The following TMEM130 variants were observed in gnomAD, a reference collection of about 807,000 sequenced individuals.
The protein encoded by TMEM130 is transmembrane protein 130.
TMEM130 carries 37 observed loss-of-function variants against 42.9 expected under a neutral mutation model. That is an observed-to-expected ratio of 0.86 (90% CI 0.66 to 1.13). The LOEUF (loss-of-function observed/expected upper bound fraction) is 1.13. Among genes scored for constraint, TMEM130 ranks in the 50% most tolerant of loss-of-function variants. The pLI is 0.00. For synonymous variants in TMEM130, 259 were observed against 237.7 expected (o/e 1.09, Z -0.82); for missense variants, 545 against 562.6 (o/e 0.97, Z 0.32).
At chr7:98,848,524 C>A in intron 7 of TMEM130, 59 bp downstream of exon 7, 1 of 1,257,688 alleles carries the variant, frequency 8.0e-7, no homozygotes, top group South Asian at 1.2e-5. Context: ...CATACCCTCT[C>A]TAAACATCCT....
chr7:98,858,371 T>C (rs1452028295), intron 3 of TMEM130, among the ~76,000 whole-genome samples: 1 of 149,662 alleles, frequency 6.7e-6, no homozygotes, highest in Non-Finnish European at 1.5e-5. Context: ...TGAGACCCCA[T>C]CTCTACAAAA....
At position 98,868,468 on chromosome 7, in the gene TMEM130, G is replaced by A. The variant is rs1421280642; in HGVS notation, c.85+1309C>T. On this transcript the variant is annotated intron_variant, in intron 1 of 7. Coordinates refer to ENST00000339375, the MANE Select transcript of TMEM130 (RefSeq NM_152913.3). ...AACATTCTAGAAAATGGCTACACCA[G>A]TCCTTTCACACAGAATATGCAGACT... 1.6e-4 allele frequency among the ~76,000 whole-genome samples: 25 copies of A among 152,176 alleles called. 1 individual carries two copies. Among genetic ancestry groups the A allele is most frequent in the Non-Finnish European group, 4.4e-5 (3 of 68,036 alleles).
chr7:98,847,994 C>T lies in TMEM130; in HGVS notation c.*62G>A. On this transcript the variant is annotated 3_prime_UTR_variant, in exon 8 of 8. Transcript: ENST00000339375. ...CCTCCTGGTCAGTGGTGCACACCAC[C>T]CTGCTGGAAACTCCAAGTCAGCAGT... 1 of 1,527,632 alleles carries T rather than the reference C, an allele frequency of 6.5e-7. No homozygotes were observed. The highest frequency in any genetic ancestry group is 8.9e-7 in the Non-Finnish European group (1 of 1,118,464). 94.6% of individuals were successfully genotyped at this position (1,527,632 alleles called of 1,614,324 possible). A position where few individuals can be genotyped will look rare whatever the true frequency, so the allele number is the denominator to read the frequency against.
Position 98,863,344 on chromosome 7 carries a change from T to A in TMEM130, c.142A>T (p.Thr48Ser), listed in dbSNP as rs782228068. 24 of 1,608,922 alleles carry A rather than the reference T, an allele frequency of 1.5e-5. No homozygotes were observed. Among genetic ancestry groups the A allele is most frequent in the Non-Finnish European group, 2.0e-5 (23 of 1,179,082 alleles). The change falls in exon 2 of 8, where the codon ACC becomes TCC. Residue 48 changes from threonine (T) to serine (S), a missense_variant. Physicochemically the swap from Thr to Ser is moderately conservative, Grantham distance 58. Transcript: ENST00000339375. Reference sequence around the variant, plus strand: ...TTGGCCACCAGGCTGGCCGAGATGGTCACCACCGCTCCCGTGGTGGCAGGG... The same window carrying A: ...TTGGCCACCAGGCTGGCCGAGATGGACACCACCGCTCCCGTGGTGGCAGGG... ...DSPATTGAVV[T>S]ISASLVAKDN...
At chr7:98,853,574 G>C (rs1554398551) in intron 5 of TMEM130, among the ~76,000 whole-genome samples, 1 of 152,216 alleles carries the variant, frequency 6.6e-6, no homozygotes, top group Non-Finnish European at 1.5e-5. Context: ...GTTGCAGTGA[G>C]CTGAGATTGC....
chr7:98,847,922 T>C lies in TMEM130; in HGVS notation c.*134A>G. On this transcript the variant is annotated 3_prime_UTR_variant, in exon 8 of 8. Coordinates refer to ENST00000339375, the MANE Select transcript of TMEM130 (RefSeq NM_152913.3). ...GGGGCTTGTGGCAGTGGCTGAACTG[T>C]ACAGATGGATGGATGATCCAGGCCA... is the stretch of plus-strand genomic sequence containing the variant. 2.4e-6 allele frequency: 2 copies of C among 842,836 alleles called. No homozygotes were observed. The highest frequency in any genetic ancestry group is 3.8e-6 in the Non-Finnish European group (2 of 531,082). 52.2% of individuals were successfully genotyped at this position (842,836 alleles called of 1,614,324 possible).
At chr7:98,855,604 C>G (rs76258393) in intron 4 of TMEM130, among the ~76,000 whole-genome samples, 1 of 152,206 alleles carries the variant, frequency 6.6e-6, no homozygotes, top group Non-Finnish European at 1.5e-5. Flanking sequence ...AGCACCATCC[C>G]GTCAGCAAGA....
At chr7:98,855,164 A>T in intron 5 of TMEM130, 76 bp downstream of exon 5, 8 of 1,355,604 alleles carry the variant, frequency 5.9e-6, no homozygotes, top group Non-Finnish European at 8.2e-6. Flanking sequence ...ACAGAGCAGA[A>T]CAGACTTGGG....
intron 1 of TMEM130, chr7:98,866,670 A>G (rs1554400671): frequency 1.3e-5 from 2 of 152,180 alleles, no homozygotes; most frequent in East Asian, 3.8e-4. Context: ...GACGCATCTC[A>G]TTCACTTCAA....
chr7:98,855,337 G>A lies in TMEM130; in HGVS notation c.719-13C>T, dbSNP rs782431953. 3.1e-6 allele frequency: 5 copies of A among 1,609,104 alleles called. No homozygotes were observed. The highest frequency in any genetic ancestry group is 2.2e-5 in the South Asian group (2 of 90,206). On this transcript the variant is annotated splice_polypyrimidine_tract_variant and intron_variant, in intron 4 of 7. Transcript: ENST00000339375. ...CCTCGAAGGGTTTCTGTAAGGCAGA[G>A]AGAACCCCGTTAGACCTGGTGGCTA...
Position 98,851,422 on chromosome 7 carries a change from G to A in TMEM130, c.1005C>T (p.Ser335=), listed in dbSNP as rs1451521081. 1.2e-6 allele frequency: 2 copies of A among 1,614,050 alleles called. No individual in the cohort carries two copies. The highest frequency in any genetic ancestry group is 1.7e-5 in the Admixed American group (1 of 60,008). Residue 335 remains serine (S), a splice_region_variant and synonymous_variant, in exon 6 of 8, where the codon TCC becomes TCT. Transcript: ENST00000339375. ...HQYHKIQVWP[S]RIQPAVFAFP... Reference sequence around the variant, plus strand: ...AGCAGAAGGCGAGGTGTCACTTACTGGAGGGCCACACCTGGATCTTGTGGT... The same window carrying A: ...AGCAGAAGGCGAGGTGTCACTTACTAGAGGGCCACACCTGGATCTTGTGGT...
chr7:98,863,839 C>T (rs1794848155), intron 1 of TMEM130, among the ~76,000 whole-genome samples: 1 of 144,548 alleles, frequency 6.9e-6, no homozygotes, highest in Non-Finnish European at 1.5e-5. Flanking sequence ...TCCTTCCTTC[C>T]TTTTCTTTCT....
At position 98,851,623 on chromosome 7, in the gene TMEM130, G is replaced by T. The variant is rs1427949445; in HGVS notation, c.804C>A (p.Ser268Arg). 6.2e-7 allele frequency: 1 copy of T among 1,607,508 alleles called. No homozygotes were observed. Among genetic ancestry groups the T allele is most frequent in the African/African-American group, 1.3e-5 (1 of 74,802 alleles). Residue 268 changes from serine (S) to arginine (R), a missense_variant and splice_region_variant, in exon 6 of 8, where the codon AGC becomes AGA. Transcript: ENST00000339375. ...KMTVTLNFLG[S>R]PPLTVCWRLK... ...GACGCCAGCACACAGTCAGAGGAGG[G>T]CTGCAGGGAAATGGGGGCGGTTTTT... is the stretch of plus-strand genomic sequence containing the variant.
In TMEM130 at chr7:98,856,222, G is replaced by A. The variant is rs782762109; in HGVS notation, c.552-39C>T. On this transcript the variant is annotated intron_variant, in intron 3 of 7. Transcript: ENST00000339375. Reference sequence around the variant, plus strand: ...GGGAGGAGAGAGGAGGAAGACAGCAGACGGTTGCTTCCCCTTCCTGTAACT... The same window carrying A: ...GGGAGGAGAGAGGAGGAAGACAGCAAACGGTTGCTTCCCCTTCCTGTAACT... 9 of 1,596,982 alleles carry A rather than the reference G, an allele frequency of 5.6e-6. No homozygotes were observed. The Admixed American group carries it at 1.3e-4, about 24-fold the overall frequency.
chr7:98,855,840 A>G (rs1554398864), intron 4 of TMEM130, among the ~76,000 whole-genome samples, 177 bp downstream of exon 4: 24 of 152,166 alleles, frequency 1.6e-4, no homozygotes. Context: ...CAGCCACATG[A>G]TCCCATCCGT....
chr7:98,847,968 C>T lies in TMEM130; in HGVS notation c.*88G>A. Reference sequence around the variant, plus strand: ...GGCCAACAGCCCCACGCAAATGAACCCCTCCTGGTCAGTGGTGCACACCAC... The same window carrying T: ...GGCCAACAGCCCCACGCAAATGAACTCCTCCTGGTCAGTGGTGCACACCAC... On this transcript the variant is annotated 3_prime_UTR_variant, in exon 8 of 8. Coordinates refer to ENST00000339375, the MANE Select transcript of TMEM130 (RefSeq NM_152913.3). 1 of 1,327,738 alleles carries T rather than the reference C, an allele frequency of 7.5e-7. No homozygotes were observed. The highest frequency in any genetic ancestry group is 1.4e-5 in the South Asian group (1 of 73,710). The allele number at this position is 1,327,738 out of a possible 1,614,324, so 82.2% of individuals were successfully genotyped here.
At chr7:98,863,497 G>T in intron 1 of TMEM130, 97 bp from the exon 2 acceptor site, 1 of 1,262,814 alleles carries the variant, frequency 7.9e-7, no homozygotes, top group South Asian at 1.6e-5. Flanking sequence ...TATTTCCCAG[G>T]TGGAGAAACT....
intron 1 of TMEM130, among the ~76,000 whole-genome samples, chr7:98,868,026 C>A (rs1224779873): frequency 1.3e-5 from 2 of 152,136 alleles, no homozygotes; most frequent in Non-Finnish European, 2.9e-5. Flanking sequence ...GCCAGAGGTT[C>A]GAGACCAGCC....
Position 98,869,673 on chromosome 7 carries a change from G to T in TMEM130, c.85+104C>A. On this transcript the variant is annotated intron_variant, in intron 1 of 7. Transcript: ENST00000339375. This position sits in a 1 kb window ranked among gnomAD's most constrained non-coding sequence, Gnocchi z 4.7. ...GGGAGATGCGCGCAGGGCGCACGGT[G>T]CCACCTCCGCAATCCCTGCTCCCGG... 1 of 847,830 alleles carries T rather than the reference G, an allele frequency of 1.2e-6. No homozygotes were observed. The highest frequency in any genetic ancestry group is 1.6e-6 in the Non-Finnish European group (1 of 615,352). 52.5% of individuals were successfully genotyped at this position (847,830 alleles called of 1,614,324 possible). A position where few individuals can be genotyped will look rare whatever the true frequency, so the allele number is the denominator to read the frequency against.
Sources: allele counts gnomAD v4.1 joint callset (sites outside exome capture counted in the v4.1 genomes callset), GRCh38; gene constraint gnomAD v4.1.1; non-coding constraint Gnocchi (gnomAD v3.1); transcripts MANE v1.5; gene names NCBI Gene and HGNC (gene_info 2026-07-23, HGNC 2026-07-21).